PLXNA4: variants seen among roughly 807,000 people sequenced by gnomAD.
PLXNA4 encodes the protein plexin A4, also known as plexin-A4.
PLXNA4 carries 44 observed loss-of-function variants against 191.8 expected under a neutral mutation model. The ratio of observed to expected loss-of-function variants is 0.23; its 90% CI spans 0.18 to 0.29. The LOEUF is 0.29. Among genes scored for constraint, PLXNA4 ranks in the 10% least tolerant of loss-of-function variants. PLXNA4 has a pLI of 1.00. For synonymous variants in PLXNA4, 1,082 were observed against 1,009.5 expected (o/e 1.07, Z -1.36); for missense variants, 1,800 against 2,488.8 (o/e 0.72, Z 5.89).
chr7:132,521,929 C>G (rs533603249), intron 1 of PLXNA4, among the ~76,000 whole-genome samples: 1 of 152,166 alleles, frequency 6.6e-6, no homozygotes, highest in Non-Finnish European at 1.5e-5. Context: ...CAGAAAGGAG[C>G]ATGTTGGTAG....
At chr7:132,210,780 G>T (rs1329466279) in intron 10 of PLXNA4, among the ~76,000 whole-genome samples, 163 bp downstream of exon 10, 1 of 152,232 alleles carries the variant, frequency 6.6e-6, no homozygotes, top group African/African-American at 2.4e-5. Context: ...GGCAGGTGTT[G>T]TGGGGCTGGG....
At chr7:132,486,755 G>C (rs1563127511) in intron 3 of PLXNA4, among the ~76,000 whole-genome samples, 1 of 152,210 alleles carries the variant, frequency 6.6e-6, no homozygotes, top group African/African-American at 2.4e-5. Flanking sequence ...TAAAAGATGG[G>C]AATGCCGGCC....
intron 2 of PLXNA4, among the ~76,000 whole-genome samples, chr7:132,637,264 T>A (rs1002539256): frequency 5.9e-5 from 9 of 152,146 alleles, no homozygotes; most frequent in Non-Finnish European, 1.2e-4. Flanking sequence ...AAAGGATGAA[T>A]TACCTTCTTG....
chr7:132,501,828 C>T (rs1798269513), intron 2 of PLXNA4, among the ~76,000 whole-genome samples: 1 of 152,168 alleles, frequency 6.6e-6, no homozygotes, highest in Non-Finnish European at 1.5e-5. Flanking sequence ...GAGGTGGGCA[C>T]TCAGACCAAT....
chr7:132,600,355 C>T (rs1040819646), intron 2 of PLXNA4, among the ~76,000 whole-genome samples: 18 of 152,092 alleles, frequency 1.2e-4, no homozygotes, highest in Non-Finnish European at 2.4e-4. Flanking sequence ...TAATTATGAT[C>T]TTTATTTTAT....
intron 3 of PLXNA4, among the ~76,000 whole-genome samples, chr7:132,439,405 A>G (rs79073797): frequency 6.6e-5 from 10 of 152,236 alleles, no homozygotes; most frequent in African/African-American, 2.4e-4. Flanking sequence ...CACATTGTAC[A>G]TACATGTATA....
intron 2 of PLXNA4, among the ~76,000 whole-genome samples, chr7:132,642,076 A>G (rs1381661043): frequency 6.6e-6 from 1 of 152,220 alleles, no homozygotes; most frequent in African/African-American, 2.4e-5. Context: ...TCTATATAAT[A>G]TATAAGCAAA....
intron 2 of PLXNA4, among the ~76,000 whole-genome samples, chr7:132,492,664 G>C (rs1370834460): frequency 6.6e-6 from 1 of 152,154 alleles, no homozygotes; most frequent in African/African-American, 2.4e-5. Flanking sequence ...GGTGATGGGG[G>C]AGGGATTTTT....
intron 21 of PLXNA4, among the ~76,000 whole-genome samples, chr7:132,169,022 G>A (rs976707222): frequency 6.6e-6 from 1 of 152,198 alleles, no homozygotes; most frequent in African/African-American, 2.4e-5. Context: ...CCAGCCCTAG[G>A]GGTGCTGTTG....
intron 22 of PLXNA4, among the ~76,000 whole-genome samples, chr7:132,167,426 G>T (rs1796154972): frequency 6.6e-6 from 1 of 152,190 alleles, no homozygotes; most frequent in Non-Finnish European, 1.5e-5. Context: ...CTTTCCTTCA[G>T]TGCTTCTCAA....
chr7:132,564,325 TCTCCTTCTGCTGCTCCTC>T (rs1350394309), intron 1 of PLXNA4, among the ~76,000 whole-genome samples: 1 of 97,854 alleles, frequency 1.0e-5, no homozygotes, highest in East Asian at 3.5e-4. Flanking sequence ...TCCTCCTCCT[TCTCCTTCTGCTGCTCCTC>T]CTCCTTCTCC....
chr7:132,432,137 C>A (rs1465874034), intron 3 of PLXNA4, among the ~76,000 whole-genome samples: 3 of 152,148 alleles, frequency 2.0e-5, no homozygotes, highest in African/African-American at 7.2e-5. Flanking sequence ...AGCCCACCCT[C>A]CTCACTCCAA....
At chr7:132,600,513 C>T (rs1419067533) in intron 2 of PLXNA4, among the ~76,000 whole-genome samples, 1 of 152,104 alleles carries the variant, frequency 6.6e-6, no homozygotes, top group East Asian at 1.9e-4. Flanking sequence ...CACGTGTGTG[C>T]CACTATGCCC....
intron 3 of PLXNA4, among the ~76,000 whole-genome samples, chr7:132,314,290 A>G (rs1404758125): frequency 2.6e-5 from 4 of 152,200 alleles, no homozygotes; most frequent in Non-Finnish European, 4.4e-5. Flanking sequence ...GTCAAATTAA[A>G]AATCCAGAAA....
At chr7:132,577,262 C>A (rs1169965053), upstream of PLXNA4, 1 of 152,000 alleles carries the variant, frequency 6.6e-6, no homozygotes, top group Non-Finnish European at 1.5e-5. Flanking sequence ...GCTCGGCCGC[C>A]GCCGGAGCTC....
intron 4 of PLXNA4, among the ~76,000 whole-genome samples, chr7:132,276,478 G>A (rs60386865): frequency 0.017 from 2,516 of 152,020 alleles, 82 homozygotes; most frequent in African/African-American, 0.057. Context: ...CGCCCTGCCT[G>A]TTGTTGATGG....
chr7:132,464,592 T>C (rs1796631306), intron 3 of PLXNA4, among the ~76,000 whole-genome samples: 1 of 152,168 alleles, frequency 6.6e-6, no homozygotes, highest in Non-Finnish European at 1.5e-5. Context: ...TGTGTCAAAA[T>C]GCTTTGCAAA....
intron 22 of PLXNA4, among the ~76,000 whole-genome samples, chr7:132,166,294 T>C (rs2116656629): frequency 7.9e-6 from 1 of 126,612 alleles, no homozygotes; most frequent in African/African-American, 2.5e-5. Flanking sequence ...GAGTTTCATT[T>C]GCAATGACAG....
At chr7:132,633,711 T>A (rs1007360640) in intron 2 of PLXNA4, among the ~76,000 whole-genome samples, 1 of 152,180 alleles carries the variant, frequency 6.6e-6, no homozygotes, top group East Asian at 1.9e-4. Flanking sequence ...TTTTCACGTT[T>A]TTCCCCCAGC....
Sources: gnomAD v4.1 joint callset for allele counts (sites outside exome capture counted in the v4.1 genomes callset) on GRCh38, gnomAD v4.1.1 for gene constraint, MANE v1.5 for transcripts, NCBI Gene and HGNC (gene_info 2026-07-23, HGNC 2026-07-21) for gene names.